The following EXOC6 variants were observed in gnomAD, a reference collection of about 807,000 sequenced individuals.
EXOC6 encodes exocyst complex component 6.
A neutral mutation model predicts 112.5 loss-of-function variants in EXOC6; 60 were observed. That is an observed-to-expected ratio of 0.53 (90% confidence interval 0.43 to 0.66). The LOEUF (loss-of-function observed/expected upper bound fraction) is 0.66, where lower values mean the gene tolerates loss of function less well. Among genes scored for constraint, EXOC6 ranks in the 30% least tolerant of loss-of-function variants. EXOC6 has a pLI of 0.00. For synonymous variants in EXOC6, 295 were observed against 308.0 expected (o/e 0.96, Z 0.44); for missense variants, 855 against 957.1 (o/e 0.89, Z 1.41).
At chr10:92,895,135 A>G (rs763961888) in intron 4 of EXOC6, 115 bp downstream of exon 4, 111 of 690,014 alleles carry the variant, frequency 1.6e-4, no homozygotes, top group Admixed American at 7.5e-4. Context: ...TTGCCTCACA[A>G]CAAAGACCAT....
intron 17 of EXOC6, among the ~76,000 whole-genome samples, chr10:92,964,871 C>T (rs1720745900): frequency 6.6e-6 from 1 of 152,154 alleles, no homozygotes; most frequent in African/African-American, 2.4e-5. Context: ...CCAGCAGTTC[C>T]CAGCAGCTCT....
At position 93,043,222 on chromosome 10, in the gene EXOC6, A is replaced by C. The variant is rs371605456; in HGVS notation, c.2170-13702A>C. 8.5e-5 allele frequency among the ~76,000 whole-genome samples: 13 copies of C among 152,282 alleles called. No individual in the cohort carries two copies. The East Asian group carries it at 1.9e-3, about 23-fold the overall frequency. On this transcript the variant is annotated intron_variant, in intron 20 of 21. Transcript: ENST00000260762. ...AGTGCTGGGATTACGGGCCTGAGCC[A>C]CCGCGCCCAGCTACAATTATTCTTT...
At chr10:92,935,149 G>A (rs368700979) in intron 11 of EXOC6, among the ~76,000 whole-genome samples, 1 of 151,918 alleles carries the variant, frequency 6.6e-6, no homozygotes, top group Non-Finnish European at 1.5e-5. Context: ...TAAATAAGCT[G>A]CATTTTTATT....
chr10:92,936,629 A>C (rs955774954), intron 12 of EXOC6, among the ~76,000 whole-genome samples: 1 of 152,252 alleles, frequency 6.6e-6, no homozygotes, highest in Non-Finnish European at 1.5e-5. Flanking sequence ...CAAAAAAATA[A>C]GATTTTTCTT....
At chr10:92,926,213 A>G (rs1851709090) in intron 8 of EXOC6, among the ~76,000 whole-genome samples, 1 of 152,056 alleles carries the variant, frequency 6.6e-6, no homozygotes, top group Admixed American at 6.5e-5. Context: ...TGTATGATAT[A>G]CTTAGGCCAT....
chr10:92,948,550 G>T (rs1464828307), intron 14 of EXOC6, among the ~76,000 whole-genome samples, 171 bp downstream of exon 14: 1 of 136,690 alleles, frequency 7.3e-6, no homozygotes, highest in Non-Finnish European at 1.6e-5. Flanking sequence ...TAAAGAGTAT[G>T]TTATTACTAC....
intron 13 of EXOC6, among the ~76,000 whole-genome samples, chr10:92,945,421 G>T (rs1255912462): frequency 6.6e-6 from 1 of 152,090 alleles, no homozygotes; most frequent in Non-Finnish European, 1.5e-5. Context: ...TGCTTTTGGG[G>T]TTATATTTTT....
intron 20 of EXOC6, among the ~76,000 whole-genome samples, chr10:93,028,914 A>G (rs1025985865): frequency 6.6e-6 from 1 of 151,890 alleles, no homozygotes; most frequent in African/African-American, 2.4e-5. Flanking sequence ...GAAAGGATTG[A>G]CTCCAATTTT....
At chr10:93,041,426 C>G (rs533747193) in intron 20 of EXOC6, among the ~76,000 whole-genome samples, 1 of 152,236 alleles carries the variant, frequency 6.6e-6, no homozygotes, top group Admixed American at 6.5e-5. Flanking sequence ...GAGTCTCACT[C>G]TGTTGCCCAG....
Position 92,868,152 on chromosome 10 carries a change from C to G in EXOC6, c.101+19518C>G, listed in dbSNP as rs538813870. On this transcript the variant is annotated intron_variant, in intron 1 of 21. Transcript: ENST00000260762. ...GAGTCATAGGAAAGTTTTCCAGATT[C>G]CGGAGTTATAGGGGAGTCCACCCAT... Among the ~76,000 whole-genome samples, 80 of 152,084 alleles carry G rather than the reference C, an allele frequency of 5.3e-4. No homozygotes were observed. The South Asian group carries it at 9.0e-3, about 17-fold the overall frequency.
chr10:92,853,167 T>G (rs543590535), intron 1 of EXOC6, among the ~76,000 whole-genome samples: 17 of 152,282 alleles, frequency 1.1e-4, no homozygotes, highest in African/African-American at 4.1e-4. Flanking sequence ...TACTCAGGGA[T>G]AAATCTGACT....
intron 20 of EXOC6, among the ~76,000 whole-genome samples, chr10:93,016,224 C>T (rs1392456875): frequency 2.0e-5 from 3 of 152,128 alleles, no homozygotes; most frequent in Non-Finnish European, 4.4e-5. Context: ...AGCTCTGCCT[C>T]CAGGGTTCAA....
At chr10:92,907,262 G>C (rs1353864849) in intron 5 of EXOC6, among the ~76,000 whole-genome samples, 1 of 152,106 alleles carries the variant, frequency 6.6e-6, no homozygotes, top group Non-Finnish European at 1.5e-5. Context: ...ATACCTTTAG[G>C]GAGGTTGTAT....
intron 7 of EXOC6, chr10:92,916,159 A>G (rs1250121960): frequency 1.6e-5 from 5 of 304,374 alleles, no homozygotes; most frequent in Middle Eastern, 9.5e-4. Context: ...TTTTGAAACC[A>G]TAGCTTACTG....
chr10:92,975,178 C>G (rs185069019), intron 18 of EXOC6, among the ~76,000 whole-genome samples: 5 of 151,506 alleles, frequency 3.3e-5, no homozygotes, highest in Admixed American at 3.3e-4. Flanking sequence ...TCTGCCTGGC[C>G]GCCCATCGTC....
chr10:92,887,000 C>A (rs79009690), intron 1 of EXOC6, among the ~76,000 whole-genome samples: 113 of 152,300 alleles, frequency 7.4e-4, no homozygotes, highest in African/African-American at 2.6e-3. Context: ...AAGCAGCAGA[C>A]ATGACTCCTC....
In EXOC6 at chr10:93,059,178, C is replaced by T. The variant is rs1846671944; in HGVS notation, c.*823C>T. ...TGCACACAGAAGTTACCACAGGGGT[C>T]AGGTTACTTTCTTCAAATAGCAGAT... On this transcript the variant is annotated 3_prime_UTR_variant, in exon 22 of 22. Transcript: ENST00000260762. 6.6e-6 allele frequency: 1 copy of T among 152,190 alleles called. No homozygotes were observed. 9.4% of individuals were successfully genotyped at this position (152,190 alleles called of 1,614,324 possible).
intron 8 of EXOC6, among the ~76,000 whole-genome samples, chr10:92,928,081 A>G (rs1295009587): frequency 1.3e-5 from 2 of 152,218 alleles, no homozygotes; most frequent in Non-Finnish European, 2.9e-5. Flanking sequence ...TCAAAAATCT[A>G]TAAAGCCTAA....
upstream of EXOC6, chr10:92,834,663 T>C (rs1412399153): frequency 4.9e-6 from 6 of 1,223,426 alleles, no homozygotes; most frequent in Non-Finnish European, 5.8e-6. Flanking sequence ...AACGGTATTT[T>C]TTTTTTTATA....
Sources: gnomAD v4.1 joint callset for allele counts (sites outside exome capture counted in the v4.1 genomes callset) on GRCh38, gnomAD v4.1.1 for gene constraint, MANE v1.5 for transcripts, NCBI Gene and HGNC (gene_info 2026-07-23, HGNC 2026-07-21) for gene names.